SLC1A2: variants seen among roughly 807,000 people sequenced by gnomAD.
SLC1A2 encodes the protein excitatory amino acid transporter 2.
A neutral mutation model predicts 48.8 loss-of-function variants in SLC1A2; 15 were observed. The observed-to-expected ratio is 0.31, with a 90% CI of 0.21 to 0.47. The LOEUF is 0.47. Among genes scored for constraint, SLC1A2 ranks in the 20% least tolerant of loss-of-function variants. The probability of loss-of-function intolerance (pLI) is 0.99; values close to 1 mark genes in which losing one functional copy is unlikely to be tolerated. For synonymous variants in SLC1A2, 279 were observed against 272.6 expected (o/e 1.02, Z -0.23); for missense variants, 502 against 730.5 (o/e 0.69, Z 3.61).
At chr11:35,393,846 T>C (rs529331971) in intron 1 of SLC1A2, among the ~76,000 whole-genome samples, 1 of 152,298 alleles carries the variant, frequency 6.6e-6, no homozygotes, top group South Asian at 2.1e-4. Context: ...TTTTAAAGAA[T>C]GGGAGAGAAT....
chr11:35,395,625 G>A (rs1431699866), intron 1 of SLC1A2, among the ~76,000 whole-genome samples: 8 of 151,824 alleles, frequency 5.3e-5, no homozygotes, highest in East Asian at 1.9e-4. Flanking sequence ...AGTCTTAGAC[G>A]CTAGGTGGGC....
At chr11:35,411,004 A>G (rs1406924374) in intron 1 of SLC1A2, among the ~76,000 whole-genome samples, 2 of 152,356 alleles carry the variant, frequency 1.3e-5, no homozygotes, top group East Asian at 1.9e-4. Context: ...CTAAAGTTCA[A>G]TGCTCTCAGA....
At chr11:35,267,247 G>A (rs1471464496) in intron 9 of SLC1A2, among the ~76,000 whole-genome samples, 1 of 152,240 alleles carries the variant, frequency 6.6e-6, no homozygotes, top group Non-Finnish European at 1.5e-5. Context: ...TTTAGAGGCA[G>A]CCTGATTTGG....
chr11:35,329,003 A>T (rs557596994), intron 1 of SLC1A2, among the ~76,000 whole-genome samples: 63 of 152,362 alleles, frequency 4.1e-4, no homozygotes, highest in African/African-American at 1.5e-3. Context: ...AGCAACCTAG[A>T]CATCCTTCAG....
chr11:35,356,781 T>G (rs1846656393), intron 1 of SLC1A2, among the ~76,000 whole-genome samples: 1 of 152,254 alleles, frequency 6.6e-6, no homozygotes, highest in South Asian at 2.1e-4. Context: ...GTAATCCTTA[T>G]TCTTTCAAAT....
At chr11:35,289,076 A>G (rs1238799642) in intron 7 of SLC1A2, among the ~76,000 whole-genome samples, 2 of 152,192 alleles carry the variant, frequency 1.3e-5, no homozygotes, top group East Asian at 3.8e-4. Context: ...ACTGTCAGAT[A>G]TTTGAAATGC....
rs1855401791 is a variant in SLC1A2 at position 35,409,684 on chromosome 11, G to A, written c.17+9266C>T. ...AGCACTTTGGGAGGCCTAGGCGGAT[G>A]GATTACCTGAGGTCAGGAGTTCAAG... On this transcript the variant is annotated intron_variant, in intron 1 of 10. Coordinates refer to ENST00000278379, the MANE Select transcript of SLC1A2 (RefSeq NM_004171.4). Among the ~76,000 whole-genome samples, 4 of 152,152 alleles carry A rather than the reference G, an allele frequency of 2.6e-5. No individual in the cohort carries two copies. In the South Asian group the frequency reaches 8.3e-4, roughly 32 times the overall value.
chr11:35,352,589 C>T (rs1478291825), intron 1 of SLC1A2, among the ~76,000 whole-genome samples: 2 of 152,192 alleles, frequency 1.3e-5, no homozygotes, highest in Non-Finnish European at 1.5e-5. Context: ...CAGTAAGGCC[C>T]CAGTTCCCTT....
intron 1 of SLC1A2, among the ~76,000 whole-genome samples, chr11:35,352,749 T>C (rs1853308817): frequency 6.6e-6 from 1 of 152,160 alleles, no homozygotes; most frequent in Non-Finnish European, 1.5e-5. Context: ...TAGGTTGAGA[T>C]GGTTGGCAGT....
intron 6 of SLC1A2, among the ~76,000 whole-genome samples, chr11:35,293,737 T>C (rs927217900): frequency 2.0e-5 from 3 of 152,198 alleles, no homozygotes; most frequent in African/African-American, 7.2e-5. Flanking sequence ...GATGCTGTAA[T>C]TGTAAGATCT....
intron 1 of SLC1A2, among the ~76,000 whole-genome samples, chr11:35,322,039 T>G (rs1035575081): frequency 6.6e-6 from 1 of 152,142 alleles, no homozygotes; most frequent in Non-Finnish European, 1.5e-5. Flanking sequence ...ATCTCTCAAA[T>G]GGCCTCCACT....
At chr11:35,405,502 A>C (rs1429720144) in intron 1 of SLC1A2, among the ~76,000 whole-genome samples, 1 of 151,336 alleles carries the variant, frequency 6.6e-6, no homozygotes, top group African/African-American at 2.4e-5. Context: ...TATCAAATTC[A>C]TTCTAGCTTC....
intron 1 of SLC1A2, among the ~76,000 whole-genome samples, chr11:35,359,107 C>T (rs768573158): frequency 1.6e-4 from 25 of 152,158 alleles, no homozygotes; most frequent in Non-Finnish European, 2.1e-4. Flanking sequence ...AACTGCTTGA[C>T]AATAAAATCT....
chr11:35,418,512 C>A, intron 1 of SLC1A2: 1 of 168,466 alleles, frequency 5.9e-6, no homozygotes, highest in Non-Finnish European at 1.3e-5. Flanking sequence ...CTGGTCCTTG[C>A]CCCGCCCCAG....
intron 5 of SLC1A2, among the ~76,000 whole-genome samples, chr11:35,303,287 C>T (rs1851406341): frequency 6.6e-6 from 1 of 152,186 alleles, no homozygotes; most frequent in Admixed American, 6.5e-5. Context: ...TTGCTGGATC[C>T]TTTCTATCTT....
At chr11:35,365,324 T>C (rs138676896) in intron 1 of SLC1A2, among the ~76,000 whole-genome samples, 338 of 152,302 alleles carry the variant, frequency 2.2e-3, no homozygotes, top group Non-Finnish European at 3.8e-3. Context: ...ATCAATGATA[T>C]GGTAAAGCTG....
chr11:35,289,595 C>G (rs1258247486), intron 7 of SLC1A2, among the ~76,000 whole-genome samples: 3 of 152,028 alleles, frequency 2.0e-5, no homozygotes, highest in African/African-American at 7.2e-5. Flanking sequence ...TATAAAGTTA[C>G]TGAAATAATG....
chr11:35,372,785 C>T (rs1028489540), intron 1 of SLC1A2, among the ~76,000 whole-genome samples: 2 of 152,174 alleles, frequency 1.3e-5, no homozygotes, highest in African/African-American at 4.8e-5. Flanking sequence ...TAATTATAAT[C>T]AATAACTCTT....
At chr11:35,294,677 G>A (rs140343796) in intron 6 of SLC1A2, among the ~76,000 whole-genome samples, 62 of 152,264 alleles carry the variant, frequency 4.1e-4, no homozygotes, top group Middle Eastern at 3.4e-3. Flanking sequence ...CTCCTGGGAC[G>A]AGCAATTTGT....
Sources: allele counts gnomAD v4.1 joint callset (sites outside exome capture counted in the v4.1 genomes callset), GRCh38; gene constraint gnomAD v4.1.1; transcripts MANE v1.5; gene names NCBI Gene and HGNC (gene_info 2026-07-23, HGNC 2026-07-21).